The following DLG2 variants were observed in gnomAD, a reference collection of about 807,000 sequenced individuals.
DLG2 encodes the protein discs large MAGUK scaffold protein 2.
Under a neutral mutation model 132.5 loss-of-function variants are expected in DLG2, and 45 were observed. The observed-to-expected ratio is 0.34, with a 90% CI of 0.27 to 0.44. DLG2 has a LOEUF of 0.44. Among genes scored for constraint, DLG2 ranks in the 20% least tolerant of loss-of-function variants. The pLI is 1.00. For missense variants in DLG2, 1,045 were observed against 1,196.9 expected (o/e 0.87, Z 1.87); for synonymous variants, 424 against 419.6 (o/e 1.01, Z -0.13).
chr11:83,575,866 G>T (rs576892162), intron 19 of DLG2, among the ~76,000 whole-genome samples: 1 of 152,176 alleles, frequency 6.6e-6, no homozygotes, highest in South Asian at 2.1e-4. Flanking sequence ...AATTCACCAT[G>T]TCTGGCATTT....
intron 3 of DLG2, among the ~76,000 whole-genome samples, chr11:85,438,303 G>T (rs1306323152): frequency 6.6e-6 from 1 of 151,980 alleles, no homozygotes; most frequent in Non-Finnish European, 1.5e-5. Flanking sequence ...CATGAGATTT[G>T]GAGGGAAAAA....
intron 18 of DLG2, among the ~76,000 whole-genome samples, chr11:83,773,135 G>T (rs1453676714): frequency 6.6e-6 from 1 of 152,198 alleles, no homozygotes; most frequent in African/African-American, 2.4e-5. Flanking sequence ...ATTAGAGTAT[G>T]ATGCTGAAGA....
At chr11:84,833,066 A>T (rs114127245) in intron 6 of DLG2, among the ~76,000 whole-genome samples, 83,413 of 150,996 alleles carry the variant, frequency 0.55, 23,359 homozygotes, top group Middle Eastern at 0.74. Flanking sequence ...TGAACTATAG[A>T]AAAATTTTAT....
intron 4 of DLG2, among the ~76,000 whole-genome samples, chr11:85,199,380 T>C (rs955342943): frequency 2.6e-5 from 4 of 152,110 alleles, no homozygotes; most frequent in Non-Finnish European, 5.9e-5. Flanking sequence ...TTTAAAAAAG[T>C]CTAAGGAATA....
At chr11:84,062,978 T>C (rs2096615615) in intron 10 of DLG2, among the ~76,000 whole-genome samples, 1 of 152,158 alleles carries the variant, frequency 6.6e-6, no homozygotes, top group South Asian at 2.1e-4. Flanking sequence ...TGTAAGTATA[T>C]AATTAGCTTC....
At chr11:85,019,740 C>A (rs542903048) in intron 6 of DLG2, among the ~76,000 whole-genome samples, 211 of 152,142 alleles carry the variant, frequency 1.4e-3, no homozygotes, top group Non-Finnish European at 2.3e-3. Flanking sequence ...GTCTTTGTGA[C>A]AGTTTGCAGA....
intron 11 of DLG2, among the ~76,000 whole-genome samples, chr11:84,052,014 GGGCGAGT>G (rs1206663156): frequency 6.6e-6 from 1 of 151,774 alleles, no homozygotes; most frequent in Non-Finnish European, 1.5e-5. Context: ...TATGGGTGAG[GGGCGAGT>G]GATGGAACCT....
intron 6 of DLG2, among the ~76,000 whole-genome samples, chr11:84,980,360 T>C (rs890037883): frequency 3.3e-5 from 5 of 152,164 alleles, no homozygotes; most frequent in Non-Finnish European, 7.4e-5. Flanking sequence ...GCCTATCTTC[T>C]ACTCTTAAAA....
intron 6 of DLG2, among the ~76,000 whole-genome samples, chr11:84,937,267 T>C (rs2048862215): frequency 6.6e-6 from 1 of 152,044 alleles, no homozygotes; most frequent in Non-Finnish European, 1.5e-5. Flanking sequence ...AGGCTTTCCA[T>C]GCATTAATTT....
At chr11:84,571,255 T>C (rs1278416231) in intron 6 of DLG2, among the ~76,000 whole-genome samples, 1 of 152,016 alleles carries the variant, frequency 6.6e-6, no homozygotes, top group African/African-American at 2.4e-5. Flanking sequence ...TTTTTTCCCA[T>C]CTCCTCTTTT....
At chr11:85,087,623 G>A (rs1412571820) in intron 6 of DLG2, among the ~76,000 whole-genome samples, 2 of 151,782 alleles carry the variant, frequency 1.3e-5, no homozygotes, top group African/African-American at 4.8e-5. Flanking sequence ...TGGATCATGA[G>A]GTCAGGAGAT....
intron 4 of DLG2, among the ~76,000 whole-genome samples, chr11:85,191,152 GCGCACGCGCGCA>G (rs2080508835): frequency 3.1e-5 from 4 of 127,330 alleles, no homozygotes; most frequent in Non-Finnish European, 4.8e-5. Context: ...ATGCGCGCGC[GCGCACGCGCGCA>G]CACACACACA....
intron 4 of DLG2, among the ~76,000 whole-genome samples, chr11:85,242,005 G>A (rs986768273): frequency 2.2e-4 from 33 of 152,010 alleles, no homozygotes; most frequent in African/African-American, 7.7e-4. Flanking sequence ...TCCATATATA[G>A]TGAATCTCCT....
At chr11:85,152,391 C>A (rs1036385484) in intron 5 of DLG2, among the ~76,000 whole-genome samples, 1 of 152,100 alleles carries the variant, frequency 6.6e-6, no homozygotes, top group African/African-American at 2.4e-5. Flanking sequence ...CAGGCACACA[C>A]CACCACACTT....
chr11:85,311,875 C>T (rs1010739155), intron 3 of DLG2, among the ~76,000 whole-genome samples: 20 of 152,114 alleles, frequency 1.3e-4, no homozygotes, highest in African/African-American at 4.8e-4. Context: ...AGTCACACTC[C>T]TTGGTTGGCT....
intron 3 of DLG2, among the ~76,000 whole-genome samples, chr11:85,290,806 C>G (rs1014309587): frequency 2.0e-5 from 3 of 152,064 alleles, no homozygotes; most frequent in African/African-American, 2.4e-5. Context: ...TTAACCTACA[C>G]TCCTTGAAAA....
At chr11:85,006,818 T>C (rs1029424509) in intron 6 of DLG2, among the ~76,000 whole-genome samples, 1 of 152,106 alleles carries the variant, frequency 6.6e-6, no homozygotes, top group South Asian at 2.1e-4. Flanking sequence ...TTAATTGTGA[T>C]GTTAGGGTGT....
At chr11:84,164,330 C>T (rs1308768727) in intron 8 of DLG2, among the ~76,000 whole-genome samples, 2 of 152,184 alleles carry the variant, frequency 1.3e-5, no homozygotes, top group South Asian at 2.1e-4. Flanking sequence ...CCAGGCAAAA[C>T]CTCTAAGCAA....
intron 19 of DLG2, among the ~76,000 whole-genome samples, chr11:83,621,108 G>A (rs1199914437): frequency 7.2e-5 from 11 of 152,166 alleles, no homozygotes; most frequent in African/African-American, 2.6e-4. Context: ...ATGTTCATAA[G>A]TTTCTTCTGG....
Sources: gnomAD v4.1 joint callset for allele counts (sites outside exome capture counted in the v4.1 genomes callset) on GRCh38, gnomAD v4.1.1 for gene constraint, MANE v1.5 for transcripts, NCBI Gene and HGNC (gene_info 2026-07-23, HGNC 2026-07-21) for gene names.